The following FRMD4A variants were observed in gnomAD, a reference collection of about 807,000 sequenced individuals.
FRMD4A encodes FERM domain-containing protein 4A.
A neutral mutation model predicts 129.1 loss-of-function variants in FRMD4A; 29 were observed. The ratio of observed to expected loss-of-function variants is 0.22; its 90% CI spans 0.17 to 0.31. The LOEUF is 0.31. Ranked by LOEUF, FRMD4A falls within the 10% of genes least tolerant of loss-of-function variation. FRMD4A has a pLI of 1.00. For missense variants in FRMD4A, 1,272 were observed against 1,375.8 expected, an observed-to-expected ratio of 0.92 and a Z score of 1.19; for synonymous variants, 634 against 571.6, an observed-to-expected ratio of 1.11 and a Z score of -1.56.
Position 13,810,879 on chromosome 10 carries a change from G to A in FRMD4A, c.141C>T (p.Asp47=). The A allele has an allele frequency of 6.2e-7, 1 of 1,602,690 alleles. No homozygotes were observed. The highest frequency in any genetic ancestry group is 8.5e-7 in the Non-Finnish European group (1 of 1,170,348). The change falls in exon 4 of 25, where the codon GAC becomes GAT. Residue 47 remains aspartate (D), a synonymous_variant. Transcript: ENST00000357447. ...TCAGATTGAAGTGAGAAGCCACAAGGTCAAGAAGCTCCTTGGCCAACAGCT... is the reference window on the plus strand; with the variant it reads ...TCAGATTGAAGTGAGAAGCCACAAGATCAAGAAGCTCCTTGGCCAACAGCT... ...QPKLLAKELL[D]LVASHFNLKE... is the part of the protein sequence containing the mutation.
intron 2 of FRMD4A, among the ~76,000 whole-genome samples, chr10:14,208,260 G>T (rs953369857): frequency 6.6e-6 from 1 of 152,118 alleles, no homozygotes; most frequent in African/African-American, 2.4e-5. Flanking sequence ...CCTACATGCT[G>T]CCTTGAAGCT....
chr10:13,786,820 G>A (rs1564801747), intron 5 of FRMD4A, among the ~76,000 whole-genome samples: 1 of 152,094 alleles, frequency 6.6e-6, no homozygotes, highest in African/African-American at 2.4e-5. Context: ...ATGATTTTGA[G>A]TCTAAATTCA....
At chr10:13,708,518 CTT>C (rs1194808777) in intron 12 of FRMD4A, among the ~76,000 whole-genome samples, 2 of 152,248 alleles carry the variant, frequency 1.3e-5, no homozygotes, top group Admixed American at 1.3e-4. Flanking sequence ...AGAGTTGCCT[CTT>C]TTGTCCCCGG....
intron 2 of FRMD4A, among the ~76,000 whole-genome samples, chr10:13,957,453 C>G (rs1256668025): frequency 1.3e-5 from 2 of 152,048 alleles, no homozygotes; most frequent in Non-Finnish European, 2.9e-5. Flanking sequence ...CAGGGTTTCA[C>G]CATGTTGACC....
intron 2 of FRMD4A, among the ~76,000 whole-genome samples, chr10:14,220,293 C>A (rs1359130293): frequency 1.3e-5 from 2 of 152,246 alleles, no homozygotes; most frequent in East Asian, 3.8e-4. Flanking sequence ...TATGGCCCCA[C>A]TTCGGGAAAC....
At chr10:13,964,951 T>G (rs985860802) in intron 2 of FRMD4A, among the ~76,000 whole-genome samples, 4 of 152,166 alleles carry the variant, frequency 2.6e-5, no homozygotes, top group Non-Finnish European at 5.9e-5. Flanking sequence ...CCCAAAGTGC[T>G]GGGATTACAG....
At chr10:14,090,149 C>T (rs866876100) in intron 2 of FRMD4A, among the ~76,000 whole-genome samples, 1 of 152,142 alleles carries the variant, frequency 6.6e-6, no homozygotes, top group African/African-American at 2.4e-5. Context: ...TGAGGAGGAA[C>T]GGAACAAGAG....
intron 2 of FRMD4A, among the ~76,000 whole-genome samples, chr10:13,996,264 T>C (rs1283876072): frequency 6.6e-6 from 1 of 152,226 alleles, no homozygotes; most frequent in East Asian, 1.9e-4. Flanking sequence ...CCATAGCATA[T>C]GGGATTCACA....
At chr10:14,144,248 G>C (rs1319400320) in intron 2 of FRMD4A, among the ~76,000 whole-genome samples, 1 of 152,100 alleles carries the variant, frequency 6.6e-6, no homozygotes, top group East Asian at 1.9e-4. Flanking sequence ...GTCACTCTTG[G>C]GAGCTGCAGC....
At chr10:13,814,924 C>A (rs1336645931) in intron 3 of FRMD4A, among the ~76,000 whole-genome samples, 1 of 151,978 alleles carries the variant, frequency 6.6e-6, no homozygotes, top group Non-Finnish European at 1.5e-5. Flanking sequence ...TGATCTTAGC[C>A]AATAGGTGTT....
chr10:14,083,211 A>T (rs1433086359), intron 2 of FRMD4A: 2 of 152,250 alleles, frequency 1.3e-5, no homozygotes, highest in Non-Finnish European at 2.9e-5. Flanking sequence ...GTGACATTTG[A>T]ATGACAGCTG....
intron 2 of FRMD4A, among the ~76,000 whole-genome samples, chr10:13,961,090 A>G (rs2095443391): frequency 6.6e-6 from 1 of 152,200 alleles, no homozygotes; most frequent in African/African-American, 2.4e-5. Context: ...CAGTTAAAAC[A>G]TGACTGTAAG....
chr10:13,707,019 A>C lies in FRMD4A; in HGVS notation c.836+18T>G, dbSNP rs776033680. ...GAGAGCCACGCCATCCCGCAAGAAAAGGACTTTTCAAGCTTACCTGCGTGG... is the reference window on the plus strand; with the variant it reads ...GAGAGCCACGCCATCCCGCAAGAAACGGACTTTTCAAGCTTACCTGCGTGG... On this transcript the variant is annotated intron_variant, in intron 13 of 24. Transcript: ENST00000357447. The C allele has an allele frequency of 7.3e-6, 10 of 1,368,790 alleles. No homozygotes were observed. The highest frequency in any genetic ancestry group is 3.5e-5 in the South Asian group (3 of 86,010). The allele number at this position is 1,368,790 out of a possible 1,614,324, so 84.8% of individuals were successfully genotyped here.
intron 2 of FRMD4A, among the ~76,000 whole-genome samples, chr10:13,947,468 G>C (rs181071942): frequency 7.9e-5 from 12 of 152,212 alleles, no homozygotes; most frequent in South Asian, 2.1e-4. Context: ...TGGTAAGATG[G>C]AGTGGAGTTG....
chr10:14,297,169 A>G (rs1046706427), intron 2 of FRMD4A, among the ~76,000 whole-genome samples: 1 of 151,248 alleles, frequency 6.6e-6, no homozygotes, highest in African/African-American at 2.4e-5. Context: ...GTTCAAGAAG[A>G]TATAGAAGAA....
chr10:14,169,994 T>G (rs188944797), intron 2 of FRMD4A, among the ~76,000 whole-genome samples: 30 of 152,258 alleles, frequency 2.0e-4, no homozygotes, highest in Admixed American at 1.2e-3. Flanking sequence ...ACAAGCAAGG[T>G]GGAACACAGT....
chr10:13,891,729 T>C lies in FRMD4A; in HGVS notation c.46-32817A>G, dbSNP rs1411829736. 5.2e-5 allele frequency: 51 copies of C among 984,166 alleles called. No individual in the cohort carries two copies. In the Admixed American group the frequency reaches 2.5e-3, roughly 48 times the overall value. 61.0% of individuals were successfully genotyped at this position (984,166 alleles called of 1,614,324 possible). A position where few individuals can be genotyped will look rare whatever the true frequency, so the allele number is the denominator to read the frequency against. The stretch of plus-strand genomic sequence containing the variant: ...GCCCGGGCGAAGGCCCTTGGCCTAC[T>C]AGGCGGCCTTGGCGCCCGCAGCTGG... On this transcript the variant is annotated intron_variant, in intron 2 of 24. Coordinates refer to ENST00000357447, the MANE Select transcript of FRMD4A (RefSeq NM_018027.5).
rs2093517512 is a variant in FRMD4A at position 13,814,941 on chromosome 10, T to C, written c.112-4033A>G. ...ATCTTAGCCAATAGGTGTTGAATAT[T>C]TGGGTCCCTTACCGGGTGGTAAGGC... On this transcript the variant is annotated intron_variant, in intron 3 of 24. Coordinates refer to ENST00000357447, the MANE Select transcript of FRMD4A (RefSeq NM_018027.5). Among the ~76,000 whole-genome samples the C allele has an allele frequency of 2.6e-5, 4 of 152,014 alleles. No individual in the cohort carries two copies. In the South Asian group the frequency reaches 8.3e-4, roughly 32 times the overall value.
intron 2 of FRMD4A, among the ~76,000 whole-genome samples, chr10:14,273,252 G>C (rs1004656849): frequency 2.0e-5 from 3 of 151,916 alleles, no homozygotes; most frequent in Non-Finnish European, 4.4e-5. Flanking sequence ...GTGAGAACCC[G>C]CCTCAGAAAA....
Sources: gnomAD v4.1 joint callset for allele counts (sites outside exome capture counted in the v4.1 genomes callset) on GRCh38, gnomAD v4.1.1 for gene constraint, MANE v1.5 for transcripts, NCBI Gene and HGNC (gene_info 2026-07-23, HGNC 2026-07-21) for gene names.